RBFOX1: variants seen among roughly 807,000 people sequenced by gnomAD.
RBFOX1 encodes RNA binding protein fox-1 homolog 1.
In RBFOX1, 8 loss-of-function variants were observed where a neutral mutation model predicts 57.7. The ratio of observed to expected loss-of-function variants is 0.14; its 90% CI spans 0.08 to 0.25. The LOEUF (loss-of-function observed/expected upper bound fraction) is 0.25. Among genes scored for constraint, RBFOX1 ranks in the 10% least tolerant of loss-of-function variants. RBFOX1 has a pLI of 1.00. For missense variants in RBFOX1, 611 were observed against 548.5 expected, an observed-to-expected ratio of 1.11 and a Z score of -1.14; for synonymous variants, 326 against 222.4, an observed-to-expected ratio of 1.47 and a Z score of -4.15.
At chr16:7,651,187 C>T (rs2064981622) in intron 11 of RBFOX1, among the ~76,000 whole-genome samples, 1 of 152,170 alleles carries the variant, frequency 6.6e-6, no homozygotes, top group Admixed American at 6.5e-5. Flanking sequence ...GCGGTAGAAT[C>T]CATAGAACAG....
intron 2 of RBFOX1, among the ~76,000 whole-genome samples, chr16:6,647,033 T>A (rs931325060): frequency 6.6e-6 from 1 of 152,116 alleles, no homozygotes; most frequent in Non-Finnish European, 1.5e-5. Context: ...AACAGAACAT[T>A]TACTTTGTCA....
At position 7,554,283 on chromosome 16, in the gene RBFOX1, T is replaced by C. The variant is rs560757228; in HGVS notation, c.271-25494T>C. ...ATTTAGTCATAGCAGGAACCGTTCT[T>C]CAACTATCTTCCAAGGACTGTGCTA... On this transcript the variant is annotated intron_variant, in intron 5 of 15. Transcript: ENST00000550418. 2.0e-5 allele frequency among the ~76,000 whole-genome samples: 3 copies of C among 152,310 alleles called. No individual in the cohort carries two copies. The South Asian group carries it at 6.2e-4, about 32-fold the overall frequency.
intron 1 of RBFOX1, among the ~76,000 whole-genome samples, chr16:6,230,362 G>C (rs528143526): frequency 6.6e-6 from 1 of 151,998 alleles, no homozygotes; most frequent in African/African-American, 2.4e-5. Flanking sequence ...TATTATCTCC[G>C]TTTCACACAT....
intron 4 of RBFOX1, among the ~76,000 whole-genome samples, chr16:5,996,944 C>A (rs2060500530): frequency 6.6e-6 from 1 of 152,192 alleles, no homozygotes; most frequent in African/African-American, 2.4e-5. Context: ...ATAGTTCGTC[C>A]AAACTGACGA....
intron 4 of RBFOX1, chr16:7,332,672 GTCTC>G (rs911831440): frequency 3.0e-5 from 19 of 627,138 alleles, no homozygotes; most frequent in South Asian, 8.5e-5. Flanking sequence ...CTCTCTCTCT[GTCTC>G]TCTCTCTCTC....
chr16:6,503,957 A>C (rs1014589), intron 2 of RBFOX1, among the ~76,000 whole-genome samples: 80,572 of 152,142 alleles, frequency 0.53, 22,113 homozygotes, highest in Admixed American at 0.63. Context: ...CATCTTTGGC[A>C]CTTGAATTCA....
At chr16:6,621,637 A>T (rs767162499) in intron 2 of RBFOX1, among the ~76,000 whole-genome samples, 1 of 152,218 alleles carries the variant, frequency 6.6e-6, no homozygotes, top group East Asian at 1.9e-4. Flanking sequence ...TCGGGGGCAC[A>T]TTGTAATTGA....
In RBFOX1 at chr16:6,550,849, C is replaced by G. The variant is rs187684126; in HGVS notation, c.-63-103754C>G. On this transcript the variant is annotated intron_variant, in intron 2 of 15. Coordinates refer to ENST00000550418, the MANE Select transcript of RBFOX1 (RefSeq NM_018723.4). ...ACATTGATTAGAACAATGCCTGGCC[C>G]TAAATAGATATTTAATTCTGGTGAG... 2.3e-4 allele frequency among the ~76,000 whole-genome samples: 35 copies of G among 152,324 alleles called. No homozygotes were observed. The East Asian group carries it at 6.6e-3, about 29-fold the overall frequency.
chr16:6,359,403 C>G (rs1333405980), intron 2 of RBFOX1, among the ~76,000 whole-genome samples: 1 of 152,136 alleles, frequency 6.6e-6, no homozygotes, highest in East Asian at 1.9e-4. Context: ...TAAAAAGGGT[C>G]TTTTTGACTG....
At chr16:6,784,360 A>G (rs2081550345) in intron 3 of RBFOX1, among the ~76,000 whole-genome samples, 1 of 151,850 alleles carries the variant, frequency 6.6e-6, no homozygotes, top group African/African-American at 2.4e-5. Context: ...CTTTGAGCTC[A>G]CTGATTCTTT....
chr16:7,267,157 G>A (rs892755433), intron 4 of RBFOX1, among the ~76,000 whole-genome samples: 4 of 152,156 alleles, frequency 2.6e-5, no homozygotes, highest in African/African-American at 7.2e-5. Flanking sequence ...TATGCACTTT[G>A]GGAGGCCGAG....
intron 3 of RBFOX1, among the ~76,000 whole-genome samples, chr16:6,945,930 C>T (rs79198214): frequency 3.8e-3 from 576 of 152,306 alleles, no homozygotes; most frequent in African/African-American, 0.013. Context: ...CCCTAAGCCC[C>T]CAGGGGCGTT....
At position 7,589,820 on chromosome 16, in the gene RBFOX1, GC is replaced by G; in HGVS notation, c.468+2523del. 3.3e-5 allele frequency among the ~76,000 whole-genome samples: 5 copies of G among 151,938 alleles called. No individual in the cohort carries two copies. The Middle Eastern group carries it at 0.014, about 416-fold the overall frequency. ...GGACAGACAGCCAGGAAATGAGTGG[GC>G]CCTTACGAGCCAGGAACTCACCTTC... is the stretch of plus-strand genomic sequence containing the variant. On this transcript the variant is annotated intron_variant, in intron 7 of 15. Coordinates refer to ENST00000550418, the MANE Select transcript of RBFOX1 (RefSeq NM_018723.4).
chr16:6,568,963 G>A (rs913140087), intron 2 of RBFOX1, among the ~76,000 whole-genome samples: 1 of 151,920 alleles, frequency 6.6e-6, no homozygotes, highest in Non-Finnish European at 1.5e-5. Flanking sequence ...AGTACAGATG[G>A]GATTTCACCA....
At chr16:6,396,626 C>G (rs1055736403) in intron 2 of RBFOX1, among the ~76,000 whole-genome samples, 7 of 152,114 alleles carry the variant, frequency 4.6e-5, no homozygotes, top group African/African-American at 1.7e-4. Flanking sequence ...GTGAATCCAG[C>G]AAGTTAACTG....
chr16:6,748,248 C>T (rs1359769476), intron 3 of RBFOX1, among the ~76,000 whole-genome samples: 1 of 151,818 alleles, frequency 6.6e-6, no homozygotes, highest in Non-Finnish European at 1.5e-5. Context: ...GTATACAGAC[C>T]CAGCCTTCTT....
intron 3 of RBFOX1, among the ~76,000 whole-genome samples, chr16:5,720,282 A>C (rs995581908): frequency 1.3e-5 from 2 of 151,958 alleles, no homozygotes; most frequent in Non-Finnish European, 2.9e-5. Flanking sequence ...TTATATTTTG[A>C]TATTGAGTTG....
chr16:5,926,563 C>G (rs140792712), intron 4 of RBFOX1, among the ~76,000 whole-genome samples: 82 of 152,274 alleles, frequency 5.4e-4, no homozygotes, highest in African/African-American at 1.9e-3. Flanking sequence ...TTGGATTCTA[C>G]TACACCTCAG....
At chr16:6,991,288 A>C (rs2091404684) in intron 3 of RBFOX1, among the ~76,000 whole-genome samples, 1 of 152,116 alleles carries the variant, frequency 6.6e-6, no homozygotes, top group African/African-American at 2.4e-5. Context: ...CAGTAGAGTG[A>C]GACCTTGTCT....
Sources: gnomAD v4.1 joint callset for allele counts (sites outside exome capture counted in the v4.1 genomes callset) on GRCh38, gnomAD v4.1.1 for gene constraint, MANE v1.5 for transcripts, NCBI Gene and HGNC (gene_info 2026-07-23, HGNC 2026-07-21) for gene names.